RANBP2: variants seen among roughly 807,000 people sequenced by gnomAD.
The protein encoded by RANBP2 is RAN binding protein 2, also known as E3 SUMO-protein ligase RanBP2.
In RANBP2, 57 loss-of-function variants were observed where a neutral mutation model predicts 303.6. The ratio of observed to expected loss-of-function variants is 0.19; its 90% confidence interval spans 0.15 to 0.23. The LOEUF (loss-of-function observed/expected upper bound fraction) is 0.23. RANBP2 is among the 10% of genes least tolerant of loss of function. The probability of loss-of-function intolerance (pLI) is 1.00; values close to 1 mark genes in which losing one functional copy is unlikely to be tolerated. For missense variants in RANBP2, 3,138 were observed against 3,780.8 expected (o/e 0.83, Z 4.46); for synonymous variants, 1,167 against 1,301.5 (o/e 0.90, Z 2.23).
At chr2:109,070,084 T>C in the RANBP2 span, among the ~76,000 whole-genome samples, 1 of 152,142 alleles carries the variant, frequency 6.6e-6, no homozygotes, top group African/African-American at 2.4e-5. Context: ...TGCGACGTGC[T>C]GGGAAGACAG....
the RANBP2 span, among the ~76,000 whole-genome samples, chr2:109,735,884 T>C: frequency 1.3e-5 from 2 of 152,150 alleles, no homozygotes; most frequent in Non-Finnish European, 2.9e-5. Context: ...CAGAGAAATT[T>C]GCACAGAAAT....
chr2:109,449,412 G>C, the RANBP2 span: 3 of 1,613,422 alleles, frequency 1.9e-6, no homozygotes, highest in African/African-American at 4.0e-5. Context: ...GGAGGCTGGA[G>C]GGGGGCCCAT....
the RANBP2 span, among the ~76,000 whole-genome samples, chr2:108,881,352 A>G: frequency 6.6e-6 from 1 of 152,232 alleles, no homozygotes; most frequent in East Asian, 1.9e-4. Flanking sequence ...GAAGAGAGTT[A>G]GGGCCTTGCT....
chr2:109,639,239 C>A, the RANBP2 span, among the ~76,000 whole-genome samples: 1 of 152,172 alleles, frequency 6.6e-6, no homozygotes, highest in African/African-American at 2.4e-5. Context: ...TGTTTCTCTA[C>A]CTCAGTAGAT....
the RANBP2 span, among the ~76,000 whole-genome samples, chr2:109,249,220 C>G: frequency 2.0e-5 from 3 of 152,346 alleles, no homozygotes; most frequent in South Asian, 2.1e-4. Flanking sequence ...GCAACTCCCC[C>G]CCGACTCCTA....
chr2:109,303,964 G>A, the RANBP2 span, among the ~76,000 whole-genome samples: 1 of 152,080 alleles, frequency 6.6e-6, no homozygotes, highest in Non-Finnish European at 1.5e-5. Context: ...AGCCAGGCAT[G>A]GTGGCACTTG....
At chr2:109,121,300 G>C in the RANBP2 span, among the ~76,000 whole-genome samples, 4 of 150,070 alleles carry the variant, frequency 2.7e-5, no homozygotes, top group Non-Finnish European at 4.5e-5. Flanking sequence ...AAAACAAGAA[G>C]TGAAGTTCTA....
At chr2:109,371,060 A>G in the RANBP2 span, among the ~76,000 whole-genome samples, 4 of 152,158 alleles carry the variant, frequency 2.6e-5, no homozygotes, top group Non-Finnish European at 5.9e-5. Context: ...AGGCTTTCCC[A>G]TATGGGGCTC....
At chr2:108,798,490 TGAAAGA>T in the RANBP2 span, 1 of 1,614,044 alleles carries the variant, frequency 6.2e-7, no homozygotes. Context: ...GTTTTTTACT[TGAAAGA>T]GAACAACTGC....
the RANBP2 span, among the ~76,000 whole-genome samples, chr2:109,498,333 C>T: frequency 6.6e-6 from 1 of 152,184 alleles, no homozygotes; most frequent in South Asian, 2.1e-4. Flanking sequence ...CACTGCACCC[C>T]CAAGTCAGCC....
At chr2:108,936,323 CAGCAGGGCTTGCCACGCCTGGGTT>C in the RANBP2 span, among the ~76,000 whole-genome samples, 1 of 152,242 alleles carries the variant, frequency 6.6e-6, no homozygotes, top group African/African-American at 2.4e-5. Context: ...TGGCCTGGCC[CAGCAGGGCTTGCCACGCCTGGGTT>C]GACCGCATCA....
the RANBP2 span, among the ~76,000 whole-genome samples, chr2:109,486,999 G>A: frequency 6.6e-6 from 1 of 152,168 alleles, no homozygotes; most frequent in Non-Finnish European, 1.5e-5. Flanking sequence ...GGAATGGAAA[G>A]TGATCCCCCC....
the RANBP2 span, among the ~76,000 whole-genome samples, chr2:108,982,705 A>G: frequency 6.6e-6 from 1 of 152,214 alleles, no homozygotes; most frequent in South Asian, 2.1e-4. Context: ...ACTGGCAGTA[A>G]TTCTAGAGAA....
chr2:109,513,374 C>T, the RANBP2 span, among the ~76,000 whole-genome samples: 5 of 151,828 alleles, frequency 3.3e-5, no homozygotes, highest in Non-Finnish European at 7.4e-5. Flanking sequence ...CCCGTATGCA[C>T]ACACTTCACA....
the RANBP2 span, among the ~76,000 whole-genome samples, chr2:109,704,481 A>G: frequency 1.3e-5 from 2 of 152,022 alleles, no homozygotes; most frequent in African/African-American, 2.4e-5. Flanking sequence ...GCAGTGAGCT[A>G]TGATCACACC....
At chr2:109,318,558 T>G in the RANBP2 span, among the ~76,000 whole-genome samples, 1 of 151,998 alleles carries the variant, frequency 6.6e-6, no homozygotes, top group Non-Finnish European at 1.5e-5. Flanking sequence ...TCCTTGCGGG[T>G]GTGTTGGTTC....
the RANBP2 span, chr2:109,398,766 G>C: frequency 6.2e-7 from 1 of 1,613,566 alleles, no homozygotes; most frequent in Non-Finnish European, 8.5e-7. Context: ...ATGGCAAGAA[G>C]AACACCAAGA....
At chr2:109,443,718 T>C in the RANBP2 span, among the ~76,000 whole-genome samples, 3 of 152,200 alleles carry the variant, frequency 2.0e-5, no homozygotes, top group African/African-American at 4.8e-5. Context: ...TAAATATTTA[T>C]ACACCAAGTA....
At chr2:109,350,312 A>T in the RANBP2 span, among the ~76,000 whole-genome samples, 1 of 152,232 alleles carries the variant, frequency 6.6e-6, no homozygotes, top group Admixed American at 6.5e-5. Context: ...GAGGCCCAGC[A>T]TCTCCTGTTA....
Sources: allele counts gnomAD v4.1 joint callset (sites outside exome capture counted in the v4.1 genomes callset), GRCh38; gene constraint gnomAD v4.1.1; transcripts MANE v1.5; gene names NCBI Gene and HGNC (gene_info 2026-07-23, HGNC 2026-07-21).